DNAJB6: variants seen among roughly 807,000 people sequenced by gnomAD.
The protein encoded by DNAJB6 is dnaJ homolog subfamily B member 6.
In DNAJB6, 16 loss-of-function variants were observed where a neutral mutation model predicts 42.7. That is an observed-to-expected ratio of 0.37 (90% CI 0.25 to 0.57). The LOEUF is 0.57. Ranked by LOEUF, DNAJB6 falls within the 20% of genes least tolerant of loss-of-function variation. The pLI, the probability that DNAJB6 is intolerant of heterozygous loss-of-function variation, is 0.74. For missense variants in DNAJB6, 347 were observed against 416.8 expected (o/e 0.83, Z 1.46); for synonymous variants, 170 against 163.5 (o/e 1.04, Z -0.30).
chr7:157,337,569 G>A (rs1798110937), intron 1 of DNAJB6: 1 of 151,322 alleles, frequency 6.6e-6, no homozygotes, highest in Non-Finnish European at 1.5e-5. Context: ...AGAAACGGGA[G>A]TGGCTTGCGG....
chr7:157,384,713 C>G (rs1800965901), intron 6 of DNAJB6, among the ~76,000 whole-genome samples, 154 bp from the exon 7 acceptor site: 1 of 152,238 alleles, frequency 6.6e-6, no homozygotes. Context: ...GGCACCCCAG[C>G]ACTTCAGCTG....
chr7:157,369,717 G>A (rs527359217), intron 5 of DNAJB6, among the ~76,000 whole-genome samples: 1 of 143,998 alleles, frequency 6.9e-6, no homozygotes, highest in Non-Finnish European at 1.5e-5. Flanking sequence ...TATTAAACGG[G>A]CCCCTTCTTC....
At chr7:157,354,284 A>T (rs1799160967) in intron 1 of DNAJB6, among the ~76,000 whole-genome samples, 1 of 151,864 alleles carries the variant, frequency 6.6e-6, no homozygotes, top group South Asian at 2.1e-4. Context: ...AGTAGCTGGG[A>T]TTACAGGCAT....
At chr7:157,369,581 G>A (rs1011453055) in intron 5 of DNAJB6, 1 of 318,074 alleles carries the variant, frequency 3.1e-6, no homozygotes, top group South Asian at 2.5e-5. Context: ...TAAACAGGCC[G>A]TTTCTCAACA....
rs558040861 is a variant in DNAJB6 at position 157,339,440 on chromosome 7, A to G, written c.-27+2296A>G. Among the ~76,000 whole-genome samples, 336 of 145,808 alleles carry G rather than the reference A, an allele frequency of 2.3e-3. 1 individual carries two copies. Among genetic ancestry groups the G allele is most frequent in the South Asian group, 0.012 (55 of 4,554 alleles). On this transcript the variant is annotated intron_variant, in intron 1 of 9. Coordinates refer to ENST00000262177, the MANE Select transcript of DNAJB6 (RefSeq NM_058246.4). Reference sequence around the variant, plus strand: ...AGCCTCCCGAGTAGCTGGGACTTCAAGCTTCCGCCACCACAGCCGGCTAAT... The same window carrying G: ...AGCCTCCCGAGTAGCTGGGACTTCAGGCTTCCGCCACCACAGCCGGCTAAT...
In DNAJB6 at chr7:157,409,847, C is replaced by T. The variant is rs1795908684; in HGVS notation, c.744C>T (p.Asn248=). ...AGGAGCGCATGCGGAGAGGCCAGAACGCCCTGCCAGCCCAGCCTGCCGGCC... is the reference window on the plus strand; with the variant it reads ...AGGAGCGCATGCGGAGAGGCCAGAATGCCCTGCCAGCCCAGCCTGCCGGCC... ...LAEERMRRGQ[N]ALPAQPAGLR... The change falls in exon 9 of 10, where the codon AAC becomes AAT. Residue 248 remains asparagine (N), a synonymous_variant. Coordinates refer to ENST00000262177, the MANE Select transcript of DNAJB6 (RefSeq NM_058246.4). 17 of 1,533,612 alleles carry T rather than the reference C, an allele frequency of 1.1e-5. No homozygotes were observed. Among genetic ancestry groups the T allele is most frequent in the Middle Eastern group, 4.6e-4 (2 of 4,380 alleles).
chr7:157,367,219 C>T (rs987965572), intron 4 of DNAJB6, among the ~76,000 whole-genome samples, 154 bp from the exon 5 acceptor site: 1 of 152,200 alleles, frequency 6.6e-6, no homozygotes, highest in Non-Finnish European at 1.5e-5. Context: ...TCTGTCAGTA[C>T]AGGGCTCATG....
intron 5 of DNAJB6, among the ~76,000 whole-genome samples, chr7:157,374,335 C>T (rs1246187184): frequency 6.6e-6 from 1 of 152,124 alleles, no homozygotes; most frequent in African/African-American, 2.4e-5. Flanking sequence ...TCTCGGCTCA[C>T]TGCAACCTGT....
At chr7:157,356,621 G>A (rs1799291579) in intron 1 of DNAJB6, among the ~76,000 whole-genome samples, 1 of 152,138 alleles carries the variant, frequency 6.6e-6, no homozygotes, top group South Asian at 2.1e-4. Flanking sequence ...AAAGAACTGT[G>A]CAGTGGTATA....
chr7:157,386,013 G>A (rs967052635), intron 8 of DNAJB6: 1 of 995,104 alleles, frequency 1.0e-6, no homozygotes, highest in African/African-American at 1.7e-5. Context: ...GTGTCGGCCT[G>A]CTGTGAAGTT....
At chr7:157,386,838 C>T (rs971810177) in intron 8 of DNAJB6, among the ~76,000 whole-genome samples, 1 of 150,528 alleles carries the variant, frequency 6.6e-6, no homozygotes, top group African/African-American at 2.5e-5. Flanking sequence ...GAGCTGAGAT[C>T]GTGCCATTGC....
chr7:157,354,846 A>G (rs1799190473), intron 1 of DNAJB6, among the ~76,000 whole-genome samples: 2 of 152,186 alleles, frequency 1.3e-5, no homozygotes, highest in African/African-American at 2.4e-5. Flanking sequence ...GAAGGTGAAC[A>G]TTTCACAGGC....
chr7:157,354,628 C>T (rs571962337), intron 1 of DNAJB6, among the ~76,000 whole-genome samples: 69 of 152,148 alleles, frequency 4.5e-4, no homozygotes, highest in African/African-American at 1.6e-3. Context: ...TGTGTGCCAC[C>T]GTGCCCAGCC....
intron 8 of DNAJB6, among the ~76,000 whole-genome samples, chr7:157,386,929 C>G (rs1458938880): frequency 6.6e-6 from 1 of 151,420 alleles, no homozygotes; most frequent in African/African-American, 2.4e-5. Flanking sequence ...TCTTTTGTTT[C>G]TCAGTTTGTA....
chr7:157,401,404 G>C (rs1321730998), intron 8 of DNAJB6, among the ~76,000 whole-genome samples: 1 of 151,960 alleles, frequency 6.6e-6, no homozygotes, highest in African/African-American at 2.4e-5. Context: ...TAGTAGAGAC[G>C]GGGTTTCTCC....
At chr7:157,406,659 C>A (rs1342498978) in intron 8 of DNAJB6, among the ~76,000 whole-genome samples, 1 of 152,184 alleles carries the variant, frequency 6.6e-6, no homozygotes, top group Non-Finnish European at 1.5e-5. Flanking sequence ...CTTTCTCCCC[C>A]AGTCACTCCA....
At chr7:157,409,347 T>G (rs1311133280) in intron 8 of DNAJB6, among the ~76,000 whole-genome samples, 1 of 152,046 alleles carries the variant, frequency 6.6e-6, no homozygotes, top group Non-Finnish European at 1.5e-5. Flanking sequence ...GCCACAGATT[T>G]ATTCCAGCAC....
intron 8 of DNAJB6, among the ~76,000 whole-genome samples, chr7:157,399,944 C>CA (rs1554467352): frequency 6.6e-6 from 1 of 152,164 alleles, no homozygotes; most frequent in Non-Finnish European, 1.5e-5. Flanking sequence ...GCTTGGATGA[C>CA]AGACGTGAGC....
intron 5 of DNAJB6, among the ~76,000 whole-genome samples, chr7:157,369,715 G>GGGCCCCTTCTTCACATTATTATTAAACA (rs1243198971): frequency 7.9e-6 from 1 of 127,132 alleles, no homozygotes; most frequent in African/African-American, 3.2e-5. Context: ...ATTATTAAAC[G>GGGCCCCTTCTTCACATTATTATTAAACA]GGCCCCTTCT....
Sources: allele counts gnomAD v4.1 joint callset (sites outside exome capture counted in the v4.1 genomes callset), GRCh38; gene constraint gnomAD v4.1.1; transcripts MANE v1.5; gene names NCBI Gene and HGNC (gene_info 2026-07-23, HGNC 2026-07-21).